TNFRSF11B: variants seen among roughly 807,000 people sequenced by gnomAD.
TNFRSF11B encodes the protein TNF receptor superfamily member 11b.
A neutral mutation model predicts 43.4 loss-of-function variants in TNFRSF11B; 16 were observed. The ratio of observed to expected loss-of-function variants is 0.37; its 90% CI spans 0.25 to 0.56. The LOEUF (loss-of-function observed/expected upper bound fraction) is 0.56. Among genes scored for constraint, TNFRSF11B ranks in the 20% least tolerant of loss-of-function variants. The probability of loss-of-function intolerance (pLI) is 0.80; values close to 1 mark genes in which losing one functional copy is unlikely to be tolerated. For missense variants in TNFRSF11B, 444 were observed against 490.1 expected, an observed-to-expected ratio of 0.91 and a Z score of 0.89; for synonymous variants, 185 against 181.8, an observed-to-expected ratio of 1.02 and a Z score of -0.14.
At chr8:118,943,547 C>A (rs1043995214) in intron 1 of TNFRSF11B, among the ~76,000 whole-genome samples, 1 of 152,058 alleles carries the variant, frequency 6.6e-6, no homozygotes, top group South Asian at 2.1e-4. Context: ...AGAAAAATTT[C>A]TCAGCTGGGT....
intron 3 of TNFRSF11B, 78 bp downstream of exon 3, chr8:118,928,660 C>G (rs2063186511): frequency 1.0e-5 from 15 of 1,483,342 alleles, no homozygotes; most frequent in Non-Finnish European, 1.4e-5. Flanking sequence ...AAGAATGTGG[C>G]TGGAGGCCTT....
At chr8:118,951,407 G>A (rs1812642417) in intron 1 of TNFRSF11B, among the ~76,000 whole-genome samples, 1 of 152,108 alleles carries the variant, frequency 6.6e-6, no homozygotes, top group African/African-American at 2.4e-5. Context: ...CCACTTCTTT[G>A]CCACTAATAA....
intron 1 of TNFRSF11B, among the ~76,000 whole-genome samples, chr8:118,934,655 C>G (rs892019490): frequency 6.6e-6 from 1 of 152,168 alleles, no homozygotes; most frequent in Non-Finnish European, 1.5e-5. Context: ...ATCACACGCT[C>G]AGAAGAAACT....
chr8:118,926,434 GT>G, intron 4 of TNFRSF11B, 59 bp downstream of exon 4: 1 of 1,430,702 alleles, frequency 7.0e-7, no homozygotes, highest in Non-Finnish European at 9.8e-7. Context: ...CTTGTTCCTG[GT>G]TTATGATAAA....
intron 1 of TNFRSF11B, among the ~76,000 whole-genome samples, chr8:118,940,748 C>T (rs1812474268): frequency 6.6e-6 from 1 of 152,080 alleles, no homozygotes; most frequent in Non-Finnish European, 1.5e-5. Flanking sequence ...CTACTCTGTT[C>T]TTGTCTCCAG....
At chr8:118,933,934 T>C (rs142253435) in intron 1 of TNFRSF11B, among the ~76,000 whole-genome samples, 1 of 152,322 alleles carries the variant, frequency 6.6e-6, no homozygotes, top group African/African-American at 2.4e-5. Context: ...ATTCTGCCCT[T>C]ATGGAGTTAA....
At chr8:118,937,552 A>C (rs1586957592) in intron 1 of TNFRSF11B, among the ~76,000 whole-genome samples, 1 of 152,244 alleles carries the variant, frequency 6.6e-6, no homozygotes, top group South Asian at 2.1e-4. Context: ...ACTTGTAACT[A>C]TAATTAGGAA....
chr8:118,950,355 C>T (rs190200243), intron 1 of TNFRSF11B, among the ~76,000 whole-genome samples: 1 of 152,284 alleles, frequency 6.6e-6, no homozygotes, highest in African/African-American at 2.4e-5. Flanking sequence ...TATTCTATAT[C>T]CTACAGTAGA....
Position 118,924,332 on chromosome 8 carries a change from A to C in TNFRSF11B, c.*42T>G. The C allele has an allele frequency of 8.1e-6, 13 of 1,610,378 alleles. No individual in the cohort carries two copies. Among genetic ancestry groups the C allele is most frequent in the Non-Finnish European group, 1.1e-5 (13 of 1,177,838 alleles). The stretch of plus-strand genomic sequence containing the variant: ...GAGAAACAGTTTACTCATCCATGGG[A>C]TCTCGCCAATTGTGAGGAAACAGCT... On this transcript the variant is annotated 3_prime_UTR_variant, in exon 5 of 5. Coordinates refer to ENST00000297350, the MANE Select transcript of TNFRSF11B (RefSeq NM_002546.4).
chr8:118,942,583 C>G (rs1372264845), intron 1 of TNFRSF11B, among the ~76,000 whole-genome samples: 1 of 152,058 alleles, frequency 6.6e-6, no homozygotes, highest in African/African-American at 2.4e-5. Flanking sequence ...AAAATAATAG[C>G]TTAGTATACT....
chr8:118,928,548 A>C (rs1259234865), intron 3 of TNFRSF11B, among the ~76,000 whole-genome samples, 190 bp downstream of exon 3: 2 of 152,240 alleles, frequency 1.3e-5, no homozygotes. Flanking sequence ...ATCTGTGAGA[A>C]GATGAGTTTT....
At chr8:118,942,352 C>T (rs1276482076) in intron 1 of TNFRSF11B, among the ~76,000 whole-genome samples, 2 of 151,628 alleles carry the variant, frequency 1.3e-5, no homozygotes, top group African/African-American at 2.4e-5. Context: ...CTCACATTAC[C>T]TTATGAATCC....
chr8:118,927,343 C>A (rs1812257857), intron 3 of TNFRSF11B, among the ~76,000 whole-genome samples: 1 of 152,148 alleles, frequency 6.6e-6, no homozygotes, highest in South Asian at 2.1e-4. Context: ...TTTTTGGATT[C>A]ATCAGACCTG....
chr8:118,947,388 G>C (rs1013604518), intron 1 of TNFRSF11B, among the ~76,000 whole-genome samples: 1 of 152,102 alleles, frequency 6.6e-6, no homozygotes, highest in African/African-American at 2.4e-5. Flanking sequence ...TGGAGATCTT[G>C]GGGCTACAAA....
chr8:118,926,989 A>G (rs141717031), intron 3 of TNFRSF11B, among the ~76,000 whole-genome samples: 1 of 152,330 alleles, frequency 6.6e-6, no homozygotes, highest in East Asian at 1.9e-4. Flanking sequence ...ATTGTTGTAA[A>G]TAAGTAACAG....
intron 1 of TNFRSF11B, among the ~76,000 whole-genome samples, chr8:118,939,297 T>C (rs919450756): frequency 6.6e-6 from 1 of 152,208 alleles, no homozygotes; most frequent in Admixed American, 6.5e-5. Flanking sequence ...CAAGCACTTA[T>C]TGAAACAATT....
At chr8:118,932,737 T>A (rs1009483745) in intron 2 of TNFRSF11B, among the ~76,000 whole-genome samples, 194 bp downstream of exon 2, 8 of 151,858 alleles carry the variant, frequency 5.3e-5, no homozygotes, top group African/African-American at 1.9e-4. Context: ...TAAATTGCCC[T>A]GTAGTGGCAA....
At position 118,925,750 on chromosome 8, in the gene TNFRSF11B, A is replaced by G. The variant is rs11573933; in HGVS notation, c.817+744T>C. ...CTTTTTCTTCTAGCATGTCCTCCCA[A>G]TGCTTACTGAAGTCAGAACTCTTTC... On this transcript the variant is annotated intron_variant, in intron 4 of 4. Coordinates refer to ENST00000297350, the MANE Select transcript of TNFRSF11B (RefSeq NM_002546.4). Among the ~76,000 whole-genome samples the G allele has an allele frequency of 1.4e-4, 21 of 152,272 alleles. No homozygotes were observed. In the South Asian group the frequency reaches 4.1e-3, roughly 30 times the overall value.
At position 118,924,743 on chromosome 8, in the gene TNFRSF11B, G is replaced by C. The variant is rs778507017; in HGVS notation, c.837C>G (p.Asn279Lys). ...CATGTCCAATGTGCCGCTGCACGCT[G>C]TTTTCACAGAGGTCAATATCTGCAT... is the stretch of plus-strand genomic sequence containing the variant. ...KIIQDIDLCE[N>K]SVQRHIGHAN... is the part of the protein sequence containing the mutation. Residue 279 changes from asparagine (N) to lysine (K), a missense_variant, in exon 5 of 5, where the codon AAC becomes AAG. Asn to Lys is a moderately conservative substitution (Grantham distance 94). Coordinates refer to ENST00000297350, the MANE Select transcript of TNFRSF11B (RefSeq NM_002546.4). The C allele has an allele frequency of 3.7e-6, 6 of 1,614,112 alleles. No individual in the cohort carries two copies. Among genetic ancestry groups the C allele is most frequent in the Admixed American group, 1.7e-5 (1 of 60,024 alleles).
Sources: allele counts gnomAD v4.1 joint callset (sites outside exome capture counted in the v4.1 genomes callset), GRCh38; gene constraint gnomAD v4.1.1; transcripts MANE v1.5; gene names NCBI Gene and HGNC (gene_info 2026-07-23, HGNC 2026-07-21).